The following RASSF6 variants were observed in gnomAD, a reference collection of about 807,000 sequenced individuals.
The protein encoded by RASSF6 is Ras association domain family member 6, also known as ras association domain-containing protein 6.
A neutral mutation model predicts 44.0 loss-of-function variants in RASSF6; 52 were observed. The ratio of observed to expected loss-of-function variants is 1.18; its 90% confidence interval spans 0.95 to 1.49. RASSF6 has a LOEUF of 1.49. RASSF6 is among the 40% of genes most tolerant of loss of function. The pLI is 0.00. For missense variants in RASSF6, 464 were observed against 393.3 expected (o/e 1.18, Z -1.52); for synonymous variants, 162 against 124.6 (o/e 1.30, Z -2.00).
intron 2 of RASSF6, among the ~76,000 whole-genome samples, chr4:73,607,639 C>G (rs1196232162): frequency 6.6e-6 from 1 of 152,182 alleles, no homozygotes; most frequent in East Asian, 1.9e-4. Flanking sequence ...AGCATCTGTA[C>G]CACCTGGGAA....
At chr4:73,611,021 T>C (rs1180681990) in intron 2 of RASSF6, among the ~76,000 whole-genome samples, 1 of 152,188 alleles carries the variant, frequency 6.6e-6, no homozygotes, top group African/African-American at 2.4e-5. Flanking sequence ...CATATTTGTT[T>C]CCTTCACTTT....
At chr4:73,610,468 C>G (rs1290288822) in intron 2 of RASSF6, among the ~76,000 whole-genome samples, 1 of 152,182 alleles carries the variant, frequency 6.6e-6, no homozygotes, top group African/African-American at 2.4e-5. Flanking sequence ...TGGGAAAGAT[C>G]AAGCCTCATA....
intron 2 of RASSF6, among the ~76,000 whole-genome samples, chr4:73,602,675 G>A (rs1462926762): frequency 3.9e-5 from 6 of 152,106 alleles, no homozygotes; most frequent in African/African-American, 1.4e-4. Flanking sequence ...ATGATCAGAC[G>A]GCTTAGCATA....
In RASSF6 at chr4:73,577,007, G is replaced by T. The variant is rs139056725; in HGVS notation, c.722-276C>A. 2.8e-3 allele frequency among the ~76,000 whole-genome samples: 426 copies of T among 152,238 alleles called. 1 individual carries two copies. Among genetic ancestry groups the T allele is most frequent in the African/African-American group, 9.7e-3 (405 of 41,550 alleles). On this transcript the variant is annotated intron_variant, in intron 8 of 10. Coordinates refer to ENST00000307439, the MANE Select transcript of RASSF6 (RefSeq NM_177532.5). ...TCCGGTCTGATAGGCCTTTTATAAA[G>T]CAATATGCCTCAATAATTATTTAGG...
intron 3 of RASSF6, among the ~76,000 whole-genome samples, chr4:73,594,763 G>A (rs1337781510): frequency 1.3e-5 from 2 of 152,146 alleles, no homozygotes; most frequent in Non-Finnish European, 2.9e-5. Flanking sequence ...TGAAATGACT[G>A]TATATGATAT....
At chr4:73,616,751 T>C (rs987988210) in intron 1 of RASSF6, among the ~76,000 whole-genome samples, 4 of 152,184 alleles carry the variant, frequency 2.6e-5, no homozygotes, top group East Asian at 1.9e-4. Context: ...GATAAGAGTA[T>C]GTTAAGGGCT....
intron 1 of RASSF6, among the ~76,000 whole-genome samples, chr4:73,616,309 CA>C (rs758205603): frequency 5.3e-5 from 8 of 151,938 alleles, no homozygotes; most frequent in Non-Finnish European, 8.8e-5. Flanking sequence ...ATTTCCCAGC[CA>C]AAGACAATTT....
rs758827982 is a variant in RASSF6, at chr4:73,587,922, C to T, written c.300G>A (p.Trp100Ter). Reference sequence around the variant, plus strand: ...TACGATAGAGATCGTCAAATTCCCCCCAGCGTGTCATTCTGAGAAGTAATA... The same window carrying T: ...TACGATAGAGATCGTCAAATTCCCCTCAGCGTGTCATTCTGAGAAGTAATA... Reference protein sequence around the residue: ...DVFSSKGMTRWGEFDDLYRIS... With the variant: ...DVFSSKGMTR The change falls in exon 5 of 11, where the codon TGG (tryptophan) becomes TGA (stop). Residue 100 changes from tryptophan (W) to a stop codon, truncating the protein, a stop_gained. Transcript: ENST00000307439. LOFTEE classifies it high-confidence loss of function. 2.5e-6 allele frequency: 4 copies of T among 1,605,828 alleles called. No individual in the cohort carries two copies. The highest frequency in any genetic ancestry group is 2.2e-5 in the East Asian group (1 of 44,720).
intron 5 of RASSF6, among the ~76,000 whole-genome samples, chr4:73,586,450 CAAT>C (rs1724102395): frequency 6.6e-6 from 1 of 151,962 alleles, no homozygotes; most frequent in Admixed American, 6.6e-5. Context: ...AATTGAGCTA[CAAT>C]GTGTTACTAG....
intron 2 of RASSF6, among the ~76,000 whole-genome samples, chr4:73,609,399 G>A (rs1203090933): frequency 6.6e-6 from 1 of 152,134 alleles, no homozygotes; most frequent in Non-Finnish European, 1.5e-5. Context: ...AGTCATTTCA[G>A]TACAAAGCTA....
chr4:73,598,873 G>A (rs932758366), intron 2 of RASSF6, among the ~76,000 whole-genome samples, 155 bp from the exon 3 acceptor site: 6 of 152,186 alleles, frequency 3.9e-5, no homozygotes, highest in African/African-American at 1.4e-4. Context: ...ATTGGAAGTG[G>A]AAGCATTCTT....
At chr4:73,589,252 T>G (rs1051210665) in intron 4 of RASSF6, among the ~76,000 whole-genome samples, 3 of 152,256 alleles carry the variant, frequency 2.0e-5, no homozygotes, top group Admixed American at 6.5e-5. Context: ...GGTAATAACT[T>G]TAACTCAAAG....
Position 73,582,300 on chromosome 4 carries a change from GA to G in RASSF6, c.568-11del. 1 of 1,419,214 alleles carries G rather than the reference GA, an allele frequency of 7.0e-7. No homozygotes were observed. The highest frequency in any genetic ancestry group is 2.3e-5 in the East Asian group (1 of 43,154). The allele number at this position is 1,419,214 out of a possible 1,614,324, so 87.9% of individuals were successfully genotyped here. A position where few individuals can be genotyped will look rare whatever the true frequency, so the allele number is the denominator to read the frequency against. ...GAATGAAAATTGATGTCTAGAAAAA[GA>G]ATTGTCACATAAGTCTTTAAAATTA... On this transcript the variant is annotated splice_polypyrimidine_tract_variant and intron_variant, in intron 6 of 10. Coordinates refer to ENST00000307439, the MANE Select transcript of RASSF6 (RefSeq NM_177532.5).
In RASSF6 at chr4:73,576,113, C is replaced by T; in HGVS notation, c.*122G>A. On this transcript the variant is annotated 3_prime_UTR_variant, in exon 11 of 11. Coordinates refer to ENST00000307439, the MANE Select transcript of RASSF6 (RefSeq NM_177532.5). ...AAAGAAATGAGCTTTTTTTGACATT[C>T]AATTTTCTACGATTCAAGTCTCATA... The T allele has an allele frequency of 1.8e-6, 1 of 558,326 alleles. No individual in the cohort carries two copies. Among genetic ancestry groups the T allele is most frequent in the Non-Finnish European group, 3.1e-6 (1 of 325,882 alleles). 34.6% of individuals were successfully genotyped at this position (558,326 alleles called of 1,614,324 possible). A position where few individuals can be genotyped will look rare whatever the true frequency, so the allele number is the denominator to read the frequency against.
chr4:73,620,256 A>C, intron 1 of RASSF6, 32 bp downstream of exon 1: 1 of 1,352,512 alleles, frequency 7.4e-7, no homozygotes, highest in South Asian at 1.7e-5. Flanking sequence ...GGAGTGGATT[A>C]GAAAGTTTTT....
rs537038065 is a variant in RASSF6 at position 73,612,952 on chromosome 4, C to T, written c.-34-1123G>A. On this transcript the variant is annotated intron_variant, in intron 1 of 10. Coordinates refer to ENST00000307439, the MANE Select transcript of RASSF6 (RefSeq NM_177532.5). ...CTTGTAATCTAATGAAATTTCATGT[C>T]ATTGAGTCTTTTCTCACCCATTTCC... Among the ~76,000 whole-genome samples the T allele has an allele frequency of 1.6e-4, 25 of 152,192 alleles. 1 individual carries two copies. In the South Asian group the frequency reaches 5.2e-3, roughly 32 times the overall value.
intron 5 of RASSF6, 41 bp downstream of exon 5, chr4:73,587,799 T>C: frequency 7.8e-7 from 1 of 1,287,910 alleles, no homozygotes; most frequent in Non-Finnish European, 1.1e-6. Flanking sequence ...TTACACTAAT[T>C]AAAAATTAAG....
At chr4:73,613,926 C>G (rs1375234391) in intron 1 of RASSF6, among the ~76,000 whole-genome samples, 1 of 152,078 alleles carries the variant, frequency 6.6e-6, no homozygotes, top group Non-Finnish European at 1.5e-5. Flanking sequence ...TGTCTCCATC[C>G]CATAATCTCT....
intron 2 of RASSF6, among the ~76,000 whole-genome samples, chr4:73,600,197 T>C (rs1725189036): frequency 6.6e-6 from 1 of 152,188 alleles, no homozygotes; most frequent in Non-Finnish European, 1.5e-5. Flanking sequence ...ATGTTCTGTC[T>C]CCTCCATTGA....
Sources: gnomAD v4.1 joint callset for allele counts (sites outside exome capture counted in the v4.1 genomes callset) on GRCh38, gnomAD v4.1.1 for gene constraint, MANE v1.5 for transcripts, NCBI Gene and HGNC (gene_info 2026-07-23, HGNC 2026-07-21) for gene names.